The following DMAC2L variants were observed in gnomAD, a reference collection of about 807,000 sequenced individuals.
DMAC2L encodes ATP synthase subunit s, mitochondrial.
In DMAC2L, 21 loss-of-function variants were observed where a neutral mutation model predicts 22.5. The ratio of observed to expected loss-of-function variants is 0.93; its 90% confidence interval spans 0.66 to 1.34. The LOEUF (loss-of-function observed/expected upper bound fraction) is 1.34, where lower values mean the gene tolerates loss of function less well. DMAC2L is among the 40% of genes most tolerant of loss of function. The probability of loss-of-function intolerance (pLI) is 0.00; values close to 1 mark genes in which losing one functional copy is unlikely to be tolerated. For synonymous variants in DMAC2L, 86 were observed against 89.5 expected, an observed-to-expected ratio of 0.96 and a Z score of 0.22; for missense variants, 239 against 246.5, an observed-to-expected ratio of 0.97 and a Z score of 0.20.
chr14:50,323,979 C>G lies in DMAC2L; in HGVS notation c.351C>G (p.Cys117Trp). The G allele has an allele frequency of 6.2e-7, 1 of 1,613,350 alleles. No individual in the cohort carries two copies. The highest frequency in any genetic ancestry group is 8.5e-7 in the Non-Finnish European group (1 of 1,179,692). ...AGCATGTTGAAAAAATAAGGCTGTG[C>G]AAGTGTCATTATATCGAGGATGACT... ...GLEHVEKIRL[C>W]KCHYIEDDCL... is the part of the protein sequence containing the mutation. Residue 117 changes from cysteine (C) to tryptophan (W), a missense_variant, in exon 5 of 6, where the codon TGC becomes TGG. Physicochemically the swap from Cys to Trp is radical, Grantham distance 215. Transcript: ENST00000557421.
upstream of DMAC2L, among the ~76,000 whole-genome samples, chr14:50,311,744 C>T (rs1363530065): frequency 6.6e-6 from 1 of 152,204 alleles, no homozygotes; most frequent in Non-Finnish European, 1.5e-5. Context: ...AAGTAACTAG[C>T]CCAGAGTTCA....
chr14:50,311,996 C>G, upstream of DMAC2L: 1 of 1,554,306 alleles, frequency 6.4e-7, no homozygotes, highest in Non-Finnish European at 8.7e-7. Flanking sequence ...GCGGGGAGGA[C>G]CAGCGGCCAC....
chr14:50,325,803 G>C lies in DMAC2L; in HGVS notation c.*80G>C. The C allele has an allele frequency of 5.5e-5, 83 of 1,506,084 alleles. No individual in the cohort carries two copies. Among genetic ancestry groups the C allele is most frequent in the Non-Finnish European group, 7.3e-5 (83 of 1,131,546 alleles). 93.3% of individuals were successfully genotyped at this position (1,506,084 alleles called of 1,614,324 possible). A position where few individuals can be genotyped will look rare whatever the true frequency, so the allele number is the denominator to read the frequency against. ...ATCAACTAATATTATATAGTCATCA[G>C]TAGAATTATAAGGATGCCATATCAT... On this transcript the variant is annotated 3_prime_UTR_variant, in exon 6 of 6. Transcript: ENST00000557421.
At chr14:50,312,179 C>A (rs370435252), upstream of DMAC2L, 58 of 1,607,256 alleles carry the variant, frequency 3.6e-5, no homozygotes, top group African/African-American at 1.1e-4. Flanking sequence ...TCCCTCAGCG[C>A]TCAGAAGAAG....
At position 50,327,364 on chromosome 14, in the gene DMAC2L, A is replaced by T; in HGVS notation, c.*1641A>T. 6.6e-6 allele frequency: 1 copy of T among 151,698 alleles called. No homozygotes were observed. The highest frequency in any genetic ancestry group is 6.6e-5 in the Admixed American group (1 of 15,230). 9.4% of individuals were successfully genotyped at this position (151,698 alleles called of 1,614,324 possible). ...AAAAAAAAAAAAGTGAAAAATAGAT[A>T]AAACAGGTCTTCATTGTTACCTGTG... On this transcript the variant is annotated 3_prime_UTR_variant, in exon 6 of 6. Coordinates refer to ENST00000557421, the MANE Select transcript of DMAC2L (RefSeq NM_001382507.1).
intron 2 of DMAC2L, chr14:50,321,269 A>G: frequency 1.3e-6 from 1 of 757,330 alleles, no homozygotes; most frequent in Non-Finnish European, 1.8e-6. Context: ...AGCCGGAAGG[A>G]GCCTTAGACA....
At chr14:50,313,877 C>T (rs772668139) in intron 1 of DMAC2L, among the ~76,000 whole-genome samples, 19 of 152,204 alleles carry the variant, frequency 1.2e-4, no homozygotes, top group Non-Finnish European at 1.8e-4. Flanking sequence ...CCTTTTATAA[C>T]CACAACTTAC....
chr14:50,322,436 A>G, intron 3 of DMAC2L, 75 bp from the exon 4 acceptor site: 2 of 1,433,952 alleles, frequency 1.4e-6, no homozygotes, highest in Non-Finnish European at 9.4e-7. Flanking sequence ...GTTCTGTATT[A>G]TTTATGTCAG....
chr14:50,322,682 CG>C lies in DMAC2L; in HGVS notation c.280del (p.Asp94ThrfsTer5). ...ACAAGATTCAGGCGATCGACGCCAC[CG>C]ACTCTTGTATCATGAGCATTGGATT... ...KYKIQAIDATDSCIMSIGFDH... is the reference protein window; with the variant it reads ...KYKIQAIDATXSCIMSIGFDH... On this transcript the variant is annotated frameshift_variant, in exon 4 of 6. Coordinates refer to ENST00000557421, the MANE Select transcript of DMAC2L (RefSeq NM_001382507.1). LOFTEE classifies it high-confidence loss of function. 6.2e-7 allele frequency: 1 copy of C among 1,614,102 alleles called. No homozygotes were observed. Among genetic ancestry groups the C allele is most frequent in the South Asian group, 1.1e-5 (1 of 91,070 alleles).
intron 5 of DMAC2L, among the ~76,000 whole-genome samples, chr14:50,325,299 G>A (rs978274572): frequency 1.3e-5 from 2 of 152,166 alleles, no homozygotes; most frequent in South Asian, 4.1e-4. Context: ...TAGTATCTAA[G>A]AATTTTCCCA....
chr14:50,312,929 C>G lies in DMAC2L; in HGVS notation c.-42+540C>G, dbSNP rs1055958915. ...CGCCTGCTCTGTACTCGACCCGGCA[C>G]TGGGTACCGGAAGAACCAGACAGCT... On this transcript the variant is annotated intron_variant, in intron 1 of 5. Coordinates refer to ENST00000557421, the MANE Select transcript of DMAC2L (RefSeq NM_001382507.1). 29 of 1,479,502 alleles carry G rather than the reference C, an allele frequency of 2.0e-5. 1 individual carries two copies. The highest frequency in any genetic ancestry group is 2.7e-5 in the Non-Finnish European group (29 of 1,061,160). The allele number at this position is 1,479,502 out of a possible 1,614,324, so 91.6% of individuals were successfully genotyped here. A position where few individuals can be genotyped will look rare whatever the true frequency, so the allele number is the denominator to read the frequency against.
intron 3 of DMAC2L, 58 bp downstream of exon 3, chr14:50,321,652 C>T (rs1448664046): frequency 7.8e-7 from 1 of 1,274,312 alleles, no homozygotes; most frequent in Admixed American, 1.8e-5. Flanking sequence ...AAATAAGTTC[C>T]CAATAGCTTG....
chr14:50,319,380 G>A (rs945980237), intron 2 of DMAC2L: 1 of 1,524,630 alleles, frequency 6.6e-7, no homozygotes, highest in African/African-American at 1.4e-5. Flanking sequence ...CAGCTTTAAG[G>A]TGTTTCCCTC....
intron 1 of DMAC2L, 65 bp downstream of exon 1, chr14:50,312,454 C>T: frequency 2.0e-6 from 1 of 491,054 alleles, no homozygotes; most frequent in Non-Finnish European, 3.7e-6. Flanking sequence ...CTGCCCTCGC[C>T]CGTCGCCAAC....
chr14:50,319,835 C>T (rs2032118718), intron 2 of DMAC2L, among the ~76,000 whole-genome samples: 1 of 152,204 alleles, frequency 6.6e-6, no homozygotes, highest in Non-Finnish European at 1.5e-5. Flanking sequence ...CATCCTACTA[C>T]CAGTGACCCA....
intron 4 of DMAC2L, among the ~76,000 whole-genome samples, chr14:50,323,662 G>C (rs1024667222): frequency 6.6e-6 from 1 of 152,196 alleles, no homozygotes; most frequent in Non-Finnish European, 1.5e-5. Context: ...CCAAAGTGCT[G>C]GGATTACAGG....
intron 2 of DMAC2L, 39 bp downstream of exon 2, chr14:50,314,665 A>G (rs1350779687): frequency 8.8e-6 from 4 of 453,928 alleles, no homozygotes; most frequent in Middle Eastern, 6.9e-4. Context: ...TTTTTGAGAC[A>G]GGGTTATGCT....
chr14:50,323,549 A>G (rs1317944949), intron 4 of DMAC2L, among the ~76,000 whole-genome samples: 11 of 151,768 alleles, frequency 7.2e-5, no homozygotes, highest in Non-Finnish European at 1.0e-4. Flanking sequence ...GTGCACTACC[A>G]CGCCAGGGTA....
In DMAC2L at chr14:50,326,037, C is replaced by T. The variant is rs999673770; in HGVS notation, c.*314C>T. 2 of 502,728 alleles carry T rather than the reference C, an allele frequency of 4.0e-6. No individual in the cohort carries two copies. The highest frequency in any genetic ancestry group is 7.3e-5 in the South Asian group (1 of 13,748). The allele number at this position is 502,728 out of a possible 1,614,324, so 31.1% of individuals were successfully genotyped here. On this transcript the variant is annotated 3_prime_UTR_variant, in exon 6 of 6. Transcript: ENST00000557421. ...CTGAGGTCAGGAGTTCAAGACCAACCATGGCCAACATGGTGAAACCCCATC... is the reference window on the plus strand; with the variant it reads ...CTGAGGTCAGGAGTTCAAGACCAACTATGGCCAACATGGTGAAACCCCATC...
Sources: allele counts gnomAD v4.1 joint callset (sites outside exome capture counted in the v4.1 genomes callset), GRCh38; gene constraint gnomAD v4.1.1; transcripts MANE v1.5; gene names NCBI Gene and HGNC (gene_info 2026-07-23, HGNC 2026-07-21).